Variants in PLXDC2 observed in about 807,000 individuals in gnomAD.
PLXDC2 encodes the protein plexin domain-containing protein 2.
Under a neutral mutation model 68.9 loss-of-function variants are expected in PLXDC2, and 40 were observed. That is an observed-to-expected ratio of 0.58 (90% CI 0.45 to 0.76). PLXDC2 has a LOEUF of 0.76. PLXDC2 is among the 30% of genes least tolerant of loss of function. PLXDC2 has a pLI of 0.00. For synonymous variants in PLXDC2, 243 were observed against 234.2 expected (o/e 1.04, Z -0.34); for missense variants, 644 against 661.9 (o/e 0.97, Z 0.30).
intron 4 of PLXDC2, among the ~76,000 whole-genome samples, chr10:20,083,499 T>C (rs531104150): frequency 4.1e-5 from 6 of 147,150 alleles, no homozygotes; most frequent in South Asian, 2.2e-4. Context: ...AAAAAATTAC[T>C]ATGTGCATGT....
chr10:20,047,619 G>A (rs1835819129), intron 3 of PLXDC2, among the ~76,000 whole-genome samples: 1 of 152,126 alleles, frequency 6.6e-6, no homozygotes, highest in Admixed American at 6.6e-5. Context: ...CTTTCTGCAT[G>A]TGTAAACTGG....
chr10:19,915,926 T>C (rs1224914319), intron 1 of PLXDC2, among the ~76,000 whole-genome samples: 1 of 151,918 alleles, frequency 6.6e-6, no homozygotes, highest in Admixed American at 6.6e-5. Flanking sequence ...GCTGAGAGCT[T>C]GTTTAGGAAT....
At chr10:20,127,599 G>A (rs1050877874) in intron 4 of PLXDC2, among the ~76,000 whole-genome samples, 18 of 152,150 alleles carry the variant, frequency 1.2e-4, no homozygotes, top group African/African-American at 2.9e-4. Flanking sequence ...CCTATCCAAA[G>A]GCAGCCCCCT....
At chr10:19,948,390 C>CTTTTTTTTTTTTT (rs59867874) in intron 1 of PLXDC2, among the ~76,000 whole-genome samples, 1 of 144,942 alleles carries the variant, frequency 6.9e-6, no homozygotes. Flanking sequence ...TTCTTTCTTT[C>CTTTTTTTTTTTTT]TTTTTTTTTT....
At chr10:20,125,751 A>T (rs773598558) in intron 4 of PLXDC2, among the ~76,000 whole-genome samples, 1 of 151,950 alleles carries the variant, frequency 6.6e-6, no homozygotes, top group African/African-American at 2.4e-5. Flanking sequence ...TCTTTTTTTT[A>T]AACTGATTAA....
chr10:19,882,127 A>G (rs1248492709), intron 1 of PLXDC2, among the ~76,000 whole-genome samples: 1 of 152,222 alleles, frequency 6.6e-6, no homozygotes, highest in Non-Finnish European at 1.5e-5. Flanking sequence ...ATGGATTCCT[A>G]AATGATGGAA....
Position 20,211,731 on chromosome 10 carries a change from T to C in PLXDC2, c.1122+2T>C. Reference sequence around the variant, plus strand: ...GTGGACAGTGGATGCCCTGAAGAGGTACACATGCTTTATTGTGACAGAATC... The same window carrying C: ...GTGGACAGTGGATGCCCTGAAGAGGCACACATGCTTTATTGTGACAGAATC... On this transcript the variant is annotated splice_donor_variant, in intron 10 of 13. Coordinates refer to ENST00000377252, the MANE Select transcript of PLXDC2 (RefSeq NM_032812.9). LOFTEE classifies it high-confidence loss of function. 6.2e-7 allele frequency: 1 copy of C among 1,612,596 alleles called. No individual in the cohort carries two copies. The highest frequency in any genetic ancestry group is 8.5e-7 in the Non-Finnish European group (1 of 1,178,938).
chr10:20,164,240 G>A lies in PLXDC2; in HGVS notation c.784-228G>A, dbSNP rs1465000191. On this transcript the variant is annotated intron_variant, in intron 6 of 13. Coordinates refer to ENST00000377252, the MANE Select transcript of PLXDC2 (RefSeq NM_032812.9). ...AATCTATTACTTTCAACATCAAGTA[G>A]CCTTCTTTAGAACCAGGAACTCCCT... is the stretch of plus-strand genomic sequence containing the variant. Among the ~76,000 whole-genome samples the A allele has an allele frequency of 2.6e-5, 4 of 152,192 alleles. No homozygotes were observed. The East Asian group carries it at 7.7e-4, about 29-fold the overall frequency.
chr10:19,822,570 A>G (rs1836489456), intron 1 of PLXDC2, among the ~76,000 whole-genome samples: 1 of 152,076 alleles, frequency 6.6e-6, no homozygotes, highest in Admixed American at 6.5e-5. Flanking sequence ...TTATGGCTCT[A>G]CCAATTTACA....
intron 4 of PLXDC2, among the ~76,000 whole-genome samples, chr10:20,119,401 G>A (rs1589637993): frequency 6.6e-6 from 1 of 151,942 alleles, no homozygotes; most frequent in East Asian, 1.9e-4. Context: ...GGGGTCACAA[G>A]GTACTCAGTG....
intron 2 of PLXDC2, among the ~76,000 whole-genome samples, chr10:20,029,312 A>G (rs2131665790): frequency 6.6e-6 from 1 of 152,314 alleles, no homozygotes; most frequent in African/African-American, 2.4e-5. Context: ...AGACTAGATC[A>G]TAAATACCTA....
rs566606360 is a variant in PLXDC2 at position 20,169,337 on chromosome 10, A to C, written c.883+4770A>C. On this transcript the variant is annotated intron_variant, in intron 7 of 13. Coordinates refer to ENST00000377252, the MANE Select transcript of PLXDC2 (RefSeq NM_032812.9). ...TCTAATATTCATTTTTAACTCTGCAAATTTGGTAAGCACGAAATGGTATTT... is the reference window on the plus strand; with the variant it reads ...TCTAATATTCATTTTTAACTCTGCACATTTGGTAAGCACGAAATGGTATTT... Among the ~76,000 whole-genome samples the C allele has an allele frequency of 7.9e-5, 12 of 152,302 alleles. No homozygotes were observed. In the East Asian group the frequency reaches 2.3e-3, roughly 29 times the overall value.
chr10:20,147,937 C>T, intron 6 of PLXDC2, 35 bp downstream of exon 6: 2 of 1,441,918 alleles, frequency 1.4e-6, no homozygotes, highest in Non-Finnish European at 2.0e-6. Flanking sequence ...TTCCCTTCCC[C>T]TTGTTCTTGA....
chr10:20,186,218 T>C (rs975458127), intron 9 of PLXDC2, among the ~76,000 whole-genome samples: 16 of 151,946 alleles, frequency 1.1e-4, no homozygotes, highest in African/African-American at 3.9e-4. Flanking sequence ...GAATACTTTA[T>C]TGTCATGCTA....
chr10:20,273,945 G>A (rs1361490617), intron 13 of PLXDC2, among the ~76,000 whole-genome samples: 1 of 151,968 alleles, frequency 6.6e-6, no homozygotes. Flanking sequence ...AGGCTGAGGG[G>A]GGAAGATCAC....
At chr10:20,252,021 G>A (rs1835682614) in intron 13 of PLXDC2, among the ~76,000 whole-genome samples, 1 of 151,798 alleles carries the variant, frequency 6.6e-6, no homozygotes, top group African/African-American at 2.4e-5. Context: ...TCCTCAGAGA[G>A]AAAGGAGTCA....
intron 4 of PLXDC2, among the ~76,000 whole-genome samples, chr10:20,112,584 G>T (rs1361067548): frequency 6.6e-6 from 1 of 152,158 alleles, no homozygotes; most frequent in Non-Finnish European, 1.5e-5. Context: ...TTGTTCATCT[G>T]TATTAAGTTG....
chr10:20,135,031 T>A (rs983659572), intron 4 of PLXDC2, among the ~76,000 whole-genome samples: 1 of 152,224 alleles, frequency 6.6e-6, no homozygotes, highest in Non-Finnish European at 1.5e-5. Context: ...TTGTCTTTTC[T>A]TATTTCTGGG....
chr10:20,222,910 G>A (rs956291740), intron 12 of PLXDC2, among the ~76,000 whole-genome samples: 1 of 152,154 alleles, frequency 6.6e-6, no homozygotes, highest in African/African-American at 2.4e-5. Flanking sequence ...AGTTACATGT[G>A]TAATATTAAG....
Sources: allele counts gnomAD v4.1 joint callset (sites outside exome capture counted in the v4.1 genomes callset), GRCh38; gene constraint gnomAD v4.1.1; transcripts MANE v1.5; gene names NCBI Gene and HGNC (gene_info 2026-07-23, HGNC 2026-07-21).